ETS2: variants seen among roughly 807,000 people sequenced by gnomAD.
ETS2 encodes the protein ETS proto-oncogene 2, transcription factor.
ETS2 carries 19 observed loss-of-function variants against 54.9 expected under a neutral mutation model. The ratio of observed to expected loss-of-function variants is 0.35; its 90% confidence interval spans 0.24 to 0.51. The LOEUF (loss-of-function observed/expected upper bound fraction) is 0.51. ETS2 is among the 20% of genes least tolerant of loss of function. The pLI, the probability that ETS2 is intolerant of heterozygous loss-of-function variation, is 0.97. For synonymous variants in ETS2, 219 were observed against 229.3 expected, an observed-to-expected ratio of 0.95 and a Z score of 0.41; for missense variants, 417 against 593.0, an observed-to-expected ratio of 0.70 and a Z score of 3.08.
Position 38,819,769 on chromosome 21 carries a change from G to A in ETS2, c.1075+3G>A, listed in dbSNP as rs770338348. ...AGCTGTGCTGGCCGGCTTCACAGGT[G>A]TGTGTGGAACTCCGAGAGCCTGGCC... On this transcript the variant is annotated splice_donor_region_variant and intron_variant, in intron 8 of 9. Coordinates refer to ENST00000360938, the MANE Select transcript of ETS2 (RefSeq NM_005239.6). 4.3e-6 allele frequency: 7 copies of A among 1,611,712 alleles called. No homozygotes were observed. The highest frequency in any genetic ancestry group is 4.5e-5 in the East Asian group (2 of 44,856).
At position 38,821,389 on chromosome 21, in the gene ETS2, G is replaced by A. The variant is rs1476003106; in HGVS notation, c.1076-197G>A. Among the ~76,000 whole-genome samples, 1 of 152,038 alleles carries A rather than the reference G, an allele frequency of 6.6e-6. No homozygotes were observed. Among genetic ancestry groups the A allele is most frequent in the Non-Finnish European group, 1.5e-5 (1 of 68,018 alleles). On this transcript the variant is annotated intron_variant, in intron 8 of 9. Transcript: ENST00000360938. This position sits in a 1 kb window ranked among gnomAD's most constrained non-coding sequence, Gnocchi z 4.2. ...AGTGTGGAGCAGGAACTCACATTTG[G>A]TGCCCCGCCCCATCCCGTTAAAGCA...
intron 6 of ETS2, 21 bp downstream of exon 6, chr21:38,817,112 C>G: frequency 1.3e-6 from 2 of 1,506,438 alleles, no homozygotes; most frequent in Non-Finnish European, 1.8e-6. Flanking sequence ...TTGATTCTGC[C>G]CTTAAGAACT....
At chr21:38,810,659 A>G (rs1324469006) in intron 2 of ETS2, among the ~76,000 whole-genome samples, 1 of 152,228 alleles carries the variant, frequency 6.6e-6, no homozygotes, top group African/African-American at 2.4e-5. Context: ...TGTAGCTTCT[A>G]TCATCATTCC....
At chr21:38,805,566 G>A (rs2123400615), upstream of ETS2, 10 of 1,279,990 alleles carry the variant, frequency 7.8e-6, no homozygotes, top group African/African-American at 1.5e-5. This position sits in a 1 kb window ranked among gnomAD's most constrained non-coding sequence, Gnocchi z 5.2. Flanking sequence ...CGGGGCCTCA[G>A]GGCCAGCCGG....
In ETS2 at chr21:38,806,895, C is replaced by G; in HGVS notation, c.-1+775C>G. ...ACGGCAGGAGACCTTTTATGTTAGC[C>G]TGTACACAATTTCAGGGTAGCCTAA... On this transcript the variant is annotated intron_variant, in intron 1 of 9. Transcript: ENST00000360938. The surrounding 1 kb of genome is among the most constrained non-coding windows in gnomAD (Gnocchi z 4.3). The G allele has an allele frequency of 3.2e-6, 3 of 947,364 alleles. No homozygotes were observed. The highest frequency in any genetic ancestry group is 3.8e-6 in the Non-Finnish European group (3 of 795,276). The allele number at this position is 947,364 out of a possible 1,614,324, so 58.7% of individuals were successfully genotyped here. A position where few individuals can be genotyped will look rare whatever the true frequency, so the allele number is the denominator to read the frequency against.
rs549244120 is a variant in ETS2 at position 38,815,695 on chromosome 21, C to T, written c.505+714C>T. Among the ~76,000 whole-genome samples, 24 of 151,384 alleles carry T rather than the reference C, an allele frequency of 1.6e-4. 1 individual carries two copies. The highest frequency in any genetic ancestry group is 3.1e-4 in the Non-Finnish European group (21 of 67,892). ...CCTGTAATCCCAGCACTTTGGGAGG[C>T]GGAGGCGGGCAGATTACTTGAGGTT... is the stretch of plus-strand genomic sequence containing the variant. On this transcript the variant is annotated intron_variant, in intron 5 of 9. Transcript: ENST00000360938.
Position 38,818,507 on chromosome 21 carries a change from C to G in ETS2, c.672C>G (p.Ala224=). Residue 224 remains alanine, a synonymous_variant, in exon 7 of 10, where the codon GCC becomes GCG. Coordinates refer to ENST00000360938, the MANE Select transcript of ETS2 (RefSeq NM_005239.6). ...KGGLLDSMCP[A]STPSVLSSEQ... is the part of the protein sequence containing the mutation. ...GCCTCCTGGACAGCATGTGTCCGGC[C>G]TCCACACCCAGCGTACTCAGCTCTG... 6.2e-7 allele frequency: 1 copy of G among 1,614,160 alleles called. No homozygotes were observed. Among genetic ancestry groups the G allele is most frequent in the Non-Finnish European group, 8.5e-7 (1 of 1,180,028 alleles).
At chr21:38,811,752 T>C (rs2060914778) in intron 2 of ETS2, among the ~76,000 whole-genome samples, 2 of 152,252 alleles carry the variant, frequency 1.3e-5, no homozygotes, top group Non-Finnish European at 1.5e-5. Context: ...TGTCTCTTCT[T>C]TTCTGCAGAT....
intron 2 of ETS2, among the ~76,000 whole-genome samples, chr21:38,811,452 T>G (rs1226256648): frequency 6.6e-6 from 1 of 152,246 alleles, no homozygotes; most frequent in Admixed American, 6.5e-5. Context: ...CATTCATTGT[T>G]CTGCATTTCT....
At chr21:38,805,213 C>A, upstream of ETS2, 1 of 716,270 alleles carries the variant, frequency 1.4e-6, no homozygotes, top group Non-Finnish European at 1.9e-6. The surrounding 1 kb of genome is among the most constrained non-coding windows in gnomAD (Gnocchi z 5.2). Flanking sequence ...GGGATCGGGG[C>A]TTCCCGGGAG....
Position 38,814,676 on chromosome 21 carries a change from C to A in ETS2, c.305-105C>A. 9.5e-7 allele frequency: 1 copy of A among 1,050,492 alleles called. No homozygotes were observed. Among genetic ancestry groups the A allele is most frequent in the Non-Finnish European group, 1.4e-6 (1 of 697,674 alleles). The allele number at this position is 1,050,492 out of a possible 1,614,324, so 65.1% of individuals were successfully genotyped here. ...ATGGTATCTTGCTCATTCGTGGGTT[C>A]TGGTGTATGTCGGTACTTGGTGCAT... On this transcript the variant is annotated intron_variant, in intron 4 of 9. Coordinates refer to ENST00000360938, the MANE Select transcript of ETS2 (RefSeq NM_005239.6). The surrounding 1 kb of genome is among the most constrained non-coding windows in gnomAD (Gnocchi z 4.2).
Position 38,805,942 on chromosome 21 carries a change from A to G in ETS2, c.-179A>G. On this transcript the variant is annotated 5_prime_UTR_variant, in exon 1 of 10. Coordinates refer to ENST00000360938, the MANE Select transcript of ETS2 (RefSeq NM_005239.6). The surrounding 1 kb of genome is among the most constrained non-coding windows in gnomAD (Gnocchi z 5.2). ...GGGGGACGGCCCGGTTACTTCCTCC[A>G]GAGACTGACGAGTGCGGTGTCGCTC... The G allele has an allele frequency of 1.6e-6, 2 of 1,267,860 alleles. No homozygotes were observed. The highest frequency in any genetic ancestry group is 2.0e-6 in the Non-Finnish European group (2 of 980,802). The allele number at this position is 1,267,860 out of a possible 1,614,324, so 78.5% of individuals were successfully genotyped here. A position where few individuals can be genotyped will look rare whatever the true frequency, so the allele number is the denominator to read the frequency against.
intron 5 of ETS2, among the ~76,000 whole-genome samples, 162 bp from the exon 6 acceptor site, chr21:38,816,846 A>G (rs938432461): frequency 2.6e-5 from 4 of 152,150 alleles, no homozygotes; most frequent in Non-Finnish European, 5.9e-5. Flanking sequence ...GTTTTTTGAA[A>G]AAGACAGGCA....
rs149529137 is a variant in ETS2 at position 38,807,169 on chromosome 21, G to A, written c.-1+1049G>A. ...TAGCACCGACCATCCGCAGGGAAAT[G>A]CTCAGATACTCATTTCTGGGATTAG... is the stretch of plus-strand genomic sequence containing the variant. On this transcript the variant is annotated intron_variant, in intron 1 of 9. Transcript: ENST00000360938. Among the ~76,000 whole-genome samples the A allele has an allele frequency of 3.3e-5, 5 of 152,322 alleles. No homozygotes were observed. The East Asian group carries it at 9.7e-4, about 29-fold the overall frequency.
In ETS2 at chr21:38,806,493, G is replaced by A. The variant is rs2060893699; in HGVS notation, c.-1+373G>A. ...GGGGGTCCTGCCCAGTGGATGTCCC[G>A]GCGAACATGATTTCGCGAACGGGAG... is the stretch of plus-strand genomic sequence containing the variant. On this transcript the variant is annotated intron_variant, in intron 1 of 9. Transcript: ENST00000360938. This position sits in a 1 kb window ranked among gnomAD's most constrained non-coding sequence, Gnocchi z 4.3. 6.1e-6 allele frequency: 6 copies of A among 985,334 alleles called. No homozygotes were observed. In the South Asian group the frequency reaches 1.9e-4, roughly 31 times the overall value. 61.0% of individuals were successfully genotyped at this position (985,334 alleles called of 1,614,324 possible).
chr21:38,807,417 C>CAT (rs2060897849), intron 1 of ETS2, among the ~76,000 whole-genome samples: 1 of 133,366 alleles, frequency 7.5e-6, no homozygotes, highest in Non-Finnish European at 1.6e-5. Flanking sequence ...GCTCTTTATC[C>CAT]TTTTTTTTTT....
chr21:38,811,267 A>T (rs1250648781), intron 2 of ETS2, among the ~76,000 whole-genome samples: 1 of 152,090 alleles, frequency 6.6e-6, no homozygotes, highest in East Asian at 1.9e-4. Flanking sequence ...TTAAAAGTTT[A>T]TTGGAGGTTT....
rs756583173 is a variant in ETS2 at position 38,810,057 on chromosome 21, A to T, written c.23A>T (p.Asn8Ile). 3 of 1,570,950 alleles carry T rather than the reference A, an allele frequency of 1.9e-6. No individual in the cohort carries two copies. Among genetic ancestry groups the T allele is most frequent in the Non-Finnish European group, 2.6e-6 (3 of 1,164,596 alleles). Residue 8 changes from asparagine to isoleucine, a missense_variant, in exon 2 of 10, where the codon AAT (asparagine) becomes ATT (isoleucine). Coordinates refer to ENST00000360938, the MANE Select transcript of ETS2 (RefSeq NM_005239.6). ...AAGATGAATGATTTCGGAATCAAGA[A>T]TATGGACCAGGTAGCCCCTGTGGCT... Reference protein sequence around the residue: MNDFGIKNMDQVAPVANS... With the variant: MNDFGIKIMDQVAPVANS...
At position 38,819,543 on chromosome 21, in the gene ETS2, C is replaced by T; in HGVS notation, c.852C>T (p.Asp284=). The change falls in exon 8 of 10, where the codon GAC becomes GAT. Residue 284 remains aspartate (D), a synonymous_variant. Coordinates refer to ENST00000360938, the MANE Select transcript of ETS2 (RefSeq NM_005239.6). ...ACGACTCCCCTGAGAACGGTGCGGACAGCTTCGAGAGCTCAGACTCCCTCC... is the reference window on the plus strand; with the variant it reads ...ACGACTCCCCTGAGAACGGTGCGGATAGCTTCGAGAGCTCAGACTCCCTCC... ...KDHDSPENGA[D]SFESSDSLLQ... is the part of the protein sequence containing the mutation. 6.2e-7 allele frequency: 1 copy of T among 1,614,208 alleles called. No individual in the cohort carries two copies. The highest frequency in any genetic ancestry group is 8.5e-7 in the Non-Finnish European group (1 of 1,180,026).
Sources: allele counts gnomAD v4.1 joint callset (sites outside exome capture counted in the v4.1 genomes callset), GRCh38; gene constraint gnomAD v4.1.1; non-coding constraint Gnocchi (gnomAD v3.1); transcripts MANE v1.5; gene names NCBI Gene and HGNC (gene_info 2026-07-23, HGNC 2026-07-21).